KIF13B: variants seen among roughly 807,000 people sequenced by gnomAD.
KIF13B encodes kinesin family member 13B.
In KIF13B, 127 loss-of-function variants were observed where a neutral mutation model predicts 222.0. That is an observed-to-expected ratio of 0.57 (90% CI 0.50 to 0.66). KIF13B has a LOEUF of 0.66. Ranked by LOEUF, KIF13B falls within the 30% of genes least tolerant of loss-of-function variation. KIF13B has a pLI of 0.00. For synonymous variants in KIF13B, 976 were observed against 919.0 expected (o/e 1.06, Z -1.12); for missense variants, 2,173 against 2,379.0 (o/e 0.91, Z 1.80).
intron 1 of KIF13B, among the ~76,000 whole-genome samples, chr8:29,262,591 G>T (rs1406027249): frequency 1.3e-5 from 2 of 151,860 alleles, no homozygotes; most frequent in Non-Finnish European, 2.9e-5. Flanking sequence ...GCGCGCGGGG[G>T]CGACGATGAC....
At chr8:29,120,324 C>T (rs1194157682) in intron 29 of KIF13B, among the ~76,000 whole-genome samples, 3 of 103,586 alleles carry the variant, frequency 2.9e-5, no homozygotes, top group Non-Finnish European at 3.9e-5. Flanking sequence ...TGCTATCCCT[C>T]CCCCCTCCCC....
chr8:29,249,430 T>TA (rs770545452), intron 1 of KIF13B, among the ~76,000 whole-genome samples: 3,608 of 118,568 alleles, frequency 0.03, 55 homozygotes, highest in Non-Finnish European at 0.039. Flanking sequence ...ACTCCGTCTT[T>TA]AAAAAAAAAA....
In KIF13B at chr8:29,140,210, G is replaced by A; in HGVS notation, c.2485-19C>T. ...CTGCCACCTGCAGCAATGAGGGAAGGCAGAAACATTTCTCCAGATTTGGTT... is the reference window on the plus strand; with the variant it reads ...CTGCCACCTGCAGCAATGAGGGAAGACAGAAACATTTCTCCAGATTTGGTT... On this transcript the variant is annotated intron_variant, in intron 20 of 39. Transcript: ENST00000524189. The A allele has an allele frequency of 6.2e-7, 1 of 1,611,852 alleles. No individual in the cohort carries two copies. Among genetic ancestry groups the A allele is most frequent in the Non-Finnish European group, 8.5e-7 (1 of 1,178,816 alleles).
intron 22 of KIF13B, 97 bp downstream of exon 22, chr8:29,133,943 T>C: frequency 5.0e-6 from 6 of 1,199,448 alleles, no homozygotes; most frequent in South Asian, 1.5e-5. Flanking sequence ...CTCCAAGACA[T>C]ATAACGGCAC....
chr8:29,180,886 G>A (rs1224021658), intron 7 of KIF13B, among the ~76,000 whole-genome samples: 4 of 151,814 alleles, frequency 2.6e-5, no homozygotes, highest in Admixed American at 2.6e-4. Context: ...TAACAATGCA[G>A]AGCTATGACA....
chr8:29,207,389 A>C (rs988944055), intron 2 of KIF13B, among the ~76,000 whole-genome samples: 3 of 152,132 alleles, frequency 2.0e-5, no homozygotes, highest in Non-Finnish European at 4.4e-5. Context: ...TTTCTAAGGA[A>C]GTATCAAAGC....
chr8:29,135,811 G>A (rs141855239), intron 21 of KIF13B, among the ~76,000 whole-genome samples: 24 of 152,208 alleles, frequency 1.6e-4, no homozygotes, highest in Admixed American at 4.6e-4. Context: ...CACGAGAATC[G>A]CTTCAACCCG....
intron 35 of KIF13B, among the ~76,000 whole-genome samples, chr8:29,102,222 G>A (rs528666311): frequency 2.6e-5 from 4 of 152,270 alleles, no homozygotes; most frequent in South Asian, 2.1e-4. Context: ...AGGTCTAAAC[G>A]TGAAAGAGTA....
chr8:29,182,530 G>T (rs1047191628), intron 6 of KIF13B, among the ~76,000 whole-genome samples: 2 of 151,200 alleles, frequency 1.3e-5, no homozygotes, highest in Non-Finnish European at 2.9e-5. Context: ...AGGGAAGTAT[G>T]ATCATTTCAA....
intron 10 of KIF13B, among the ~76,000 whole-genome samples, chr8:29,175,052 AATTCTTGATCAATAAGAAAATAAAAC>A (rs1812419419): frequency 6.6e-6 from 1 of 152,206 alleles, no homozygotes. Context: ...GTGTTCAACA[AATTCTTGATCAATAAGAAAATAAAAC>A]ATCACAAAAT....
rs1812533343 is a variant in KIF13B at position 29,177,567 on chromosome 8, C to T, written c.732G>A (p.Glu244=). 1.9e-6 allele frequency: 3 copies of T among 1,610,910 alleles called. No homozygotes were observed. Among genetic ancestry groups the T allele is most frequent in the South Asian group, 2.2e-5 (2 of 91,010 alleles). ...LYDVKSGTSG[E]KVGKLSLVDL... ...CCACCAGGCTGAGTTTGCCCACTTT[C>T]TCTCCAGATGTCTACAAAGGAAATC... The change falls in exon 9 of 40, where the codon GAG becomes GAA. Residue 244 remains glutamate, a synonymous_variant. Coordinates refer to ENST00000524189, the MANE Select transcript of KIF13B (RefSeq NM_015254.4).
chr8:29,171,718 T>C (rs144239729), intron 10 of KIF13B, among the ~76,000 whole-genome samples: 1,830 of 150,222 alleles, frequency 0.012, 24 homozygotes, highest in African/African-American at 0.028. Context: ...TTCTGTGAAG[T>C]CCAAATGACG....
chr8:29,218,075 GT>G (rs984529767), intron 2 of KIF13B, among the ~76,000 whole-genome samples: 2 of 152,144 alleles, frequency 1.3e-5, no homozygotes, highest in Admixed American at 1.3e-4. Context: ...CCGTTACACT[GT>G]GCTTATTGGA....
At position 29,118,957 on chromosome 8, in the gene KIF13B, G is replaced by A. The variant is rs773848274; in HGVS notation, c.3571C>T (p.Pro1191Ser). 1 of 1,613,630 alleles carries A rather than the reference G, an allele frequency of 6.2e-7. No homozygotes were observed. Among genetic ancestry groups the A allele is most frequent in the East Asian group, 2.2e-5 (1 of 44,856 alleles). ...GTCGCATCCCATCCACCAGCTTCTG[G>A]GTCATCAAGATTATCCTGAGAGCTG... Reference protein sequence around the residue: ...DFSSQDNLDDPEAGGWDATLT... With the variant: ...DFSSQDNLDDSEAGGWDATLT... Residue 1191 changes from proline to serine, a missense_variant, in exon 30 of 40, where the codon CCA becomes TCA. Physicochemically the swap from Pro to Ser is moderately conservative, Grantham distance 74 (BLOSUM62 -1). Coordinates refer to ENST00000524189, the MANE Select transcript of KIF13B (RefSeq NM_015254.4).
chr8:29,246,371 C>CT (rs1446472452), intron 1 of KIF13B, among the ~76,000 whole-genome samples: 10 of 150,922 alleles, frequency 6.6e-5, no homozygotes, highest in African/African-American at 2.2e-4. Context: ...GAGCAAAACT[C>CT]TGTCTCGGGG....
Position 29,147,616 on chromosome 8 carries a change from TA to T in KIF13B, c.1814-15del, listed in dbSNP as rs763051330. On this transcript the variant is annotated splice_polypyrimidine_tract_variant and intron_variant, in intron 16 of 39. Coordinates refer to ENST00000524189, the MANE Select transcript of KIF13B (RefSeq NM_015254.4). ...ACTGCATCGGATCTAAACACATTTT[TA>T]AAAAAGATACATGATCGAGAGTTAC... 42 of 1,562,896 alleles carry T rather than the reference TA, an allele frequency of 2.7e-5. 1 individual carries two copies. The Middle Eastern group carries it at 6.0e-3, about 223-fold the overall frequency.
intron 10 of KIF13B, among the ~76,000 whole-genome samples, chr8:29,167,963 G>A (rs1234603871): frequency 2.0e-5 from 3 of 152,084 alleles, no homozygotes; most frequent in African/African-American, 7.2e-5. Flanking sequence ...CTCCTTAGAG[G>A]AACAAGCATG....
intron 21 of KIF13B, among the ~76,000 whole-genome samples, chr8:29,139,402 A>G (rs571860340): frequency 1.0e-3 from 155 of 152,328 alleles, no homozygotes; most frequent in African/African-American, 3.6e-3. Context: ...TCCGATCATC[A>G]CATGACTCAA....
At chr8:29,199,087 T>TTTTTTTTTTTTTTTTTTTATTATAC (rs1563781453) in intron 2 of KIF13B, among the ~76,000 whole-genome samples, 6 of 151,814 alleles carry the variant, frequency 4.0e-5, no homozygotes, top group Admixed American at 1.3e-4. Flanking sequence ...ATAAAATTTT[T>TTTTTTTTTTTTTTTTTTTATTATAC]TAAAAAATAG....
Sources: gnomAD v4.1 joint callset for allele counts (sites outside exome capture counted in the v4.1 genomes callset) on GRCh38, gnomAD v4.1.1 for gene constraint, MANE v1.5 for transcripts, NCBI Gene and HGNC (gene_info 2026-07-23, HGNC 2026-07-21) for gene names.